PTPRD: variants seen among roughly 807,000 people sequenced by gnomAD.
PTPRD encodes protein tyrosine phosphatase receptor type D.
PTPRD carries 34 observed loss-of-function variants against 214.5 expected under a neutral mutation model. The ratio of observed to expected loss-of-function variants is 0.16; its 90% CI spans 0.12 to 0.21. The LOEUF is 0.21. Ranked by LOEUF, PTPRD falls within the 10% of genes least tolerant of loss-of-function variation. The probability of loss-of-function intolerance (pLI) is 1.00; values close to 1 mark genes in which losing one functional copy is unlikely to be tolerated. For missense variants in PTPRD, 2,545 were observed against 2,398.7 expected (o/e 1.06, Z -1.27); for synonymous variants, 1,128 against 845.7 (o/e 1.33, Z -5.79).
chr9:9,195,487 G>A (rs181850838), intron 9 of PTPRD, among the ~76,000 whole-genome samples: 1 of 152,220 alleles, frequency 6.6e-6, no homozygotes, highest in Admixed American at 6.5e-5. Context: ...TGGGGATTAA[G>A]TAGGGACTGT....
intron 2 of PTPRD, among the ~76,000 whole-genome samples, chr9:10,530,358 C>T (rs897610321): frequency 7.2e-5 from 11 of 151,978 alleles, no homozygotes; most frequent in South Asian, 2.1e-4. Context: ...TTATAATTTA[C>T]GAAAAAGTAA....
chr9:9,121,173 C>A (rs769452476), intron 10 of PTPRD, among the ~76,000 whole-genome samples: 4 of 152,124 alleles, frequency 2.6e-5, no homozygotes, highest in Non-Finnish European at 5.9e-5. Flanking sequence ...TAGTCACCAA[C>A]TATTTATGGA....
At chr9:9,611,930 A>T (rs571363151) in intron 7 of PTPRD, among the ~76,000 whole-genome samples, 1 of 152,264 alleles carries the variant, frequency 6.6e-6, no homozygotes, top group East Asian at 1.9e-4. Context: ...TATACATAAG[A>T]CTTGACAGAC....
At chr9:9,682,957 A>T (rs144830470) in intron 7 of PTPRD, among the ~76,000 whole-genome samples, 1 of 151,768 alleles carries the variant, frequency 6.6e-6, no homozygotes, top group Admixed American at 6.6e-5. Flanking sequence ...GATGAACAAG[A>T]TATGTACAGT....
chr9:10,393,446 T>C (rs2098110773), intron 2 of PTPRD, among the ~76,000 whole-genome samples: 1 of 151,564 alleles, frequency 6.6e-6, no homozygotes, highest in Non-Finnish European at 1.5e-5. Context: ...TTACATTAGT[T>C]TCCCTTTGAT....
rs755972076 is a variant in PTPRD, at chr9:8,465,700, A to T, written c.3505-25T>A. The T allele has an allele frequency of 2.5e-6, 4 of 1,575,222 alleles. No individual in the cohort carries two copies. In the Admixed American group the frequency reaches 7.3e-5, roughly 29 times the overall value. ...GCTTAAGGAAAAAAGTGGGAAACAG[A>T]AAAAGAACTGTAAATAATAACCCAG... is the stretch of plus-strand genomic sequence containing the variant. On this transcript the variant is annotated intron_variant, in intron 31 of 45. Transcript: ENST00000381196.
intron 3 of PTPRD, among the ~76,000 whole-genome samples, chr9:10,167,398 CT>C (rs1340579603): frequency 6.6e-6 from 1 of 152,112 alleles, no homozygotes; most frequent in Non-Finnish European, 1.5e-5. Flanking sequence ...TTCCCTTTCA[CT>C]TATTCTTCTT....
intron 10 of PTPRD, among the ~76,000 whole-genome samples, chr9:9,066,574 G>C (rs1286649240): frequency 1.3e-5 from 2 of 152,118 alleles, no homozygotes; most frequent in Non-Finnish European, 2.9e-5. Flanking sequence ...AAGTTTTGCA[G>C]ATGTGACTAA....
chr9:9,427,295 C>G (rs141883370), intron 8 of PTPRD, among the ~76,000 whole-genome samples: 10,214 of 152,098 alleles, frequency 0.067, 376 homozygotes, highest in Middle Eastern at 0.17. Flanking sequence ...ATTTGATCAA[C>G]TGGAAGAAAG....
At chr9:9,091,312 T>C (rs2099775465) in intron 10 of PTPRD, 3 of 1,029,040 alleles carry the variant, frequency 2.9e-6, no homozygotes, top group Non-Finnish European at 4.5e-6. Flanking sequence ...AAATTGTACT[T>C]TAAAAAAAAA....
At chr9:9,618,287 T>C (rs987522881) in intron 7 of PTPRD, among the ~76,000 whole-genome samples, 1 of 151,948 alleles carries the variant, frequency 6.6e-6, no homozygotes, top group African/African-American at 2.4e-5. Flanking sequence ...GACAGTAGTA[T>C]TATCACAATT....
intron 12 of PTPRD, among the ~76,000 whole-genome samples, chr9:8,680,215 C>T (rs1305626651): frequency 6.6e-6 from 1 of 151,744 alleles, no homozygotes; most frequent in Admixed American, 6.6e-5. Flanking sequence ...ATCTAAAAGC[C>T]GTATGTAAGA....
chr9:8,908,231 A>T (rs901146591), intron 11 of PTPRD, among the ~76,000 whole-genome samples: 2 of 152,202 alleles, frequency 1.3e-5, no homozygotes, highest in Non-Finnish European at 2.9e-5. Flanking sequence ...AAATAAAGAC[A>T]TTCTAAAATA....
chr9:8,711,432 ACT>A (rs2098330568), intron 12 of PTPRD, among the ~76,000 whole-genome samples: 1 of 152,152 alleles, frequency 6.6e-6, no homozygotes, highest in Non-Finnish European at 1.5e-5. Flanking sequence ...GCATACAGTA[ACT>A]CTCTCCTTGA....
At chr9:9,052,150 C>T (rs933050274) in intron 10 of PTPRD, among the ~76,000 whole-genome samples, 7 of 152,146 alleles carry the variant, frequency 4.6e-5, no homozygotes, top group South Asian at 2.1e-4. Flanking sequence ...GGCACCTTCT[C>T]GCTGTGCTCC....
At chr9:8,708,878 C>T (rs185672232) in intron 12 of PTPRD, among the ~76,000 whole-genome samples, 9 of 151,984 alleles carry the variant, frequency 5.9e-5, no homozygotes, top group Admixed American at 2.0e-4. Flanking sequence ...ATAAAGAAAA[C>T]GTCCTATTAT....
At chr9:9,268,706 T>G (rs754254959) in intron 9 of PTPRD, among the ~76,000 whole-genome samples, 1 of 150,568 alleles carries the variant, frequency 6.6e-6, no homozygotes, top group African/African-American at 2.4e-5. Context: ...AATAAACCCA[T>G]GTTTACCATC....
intron 11 of PTPRD, among the ~76,000 whole-genome samples, chr9:8,748,266 C>T (rs1481538266): frequency 6.6e-6 from 1 of 152,104 alleles, no homozygotes; most frequent in African/African-American, 2.4e-5. Context: ...AAGGTGACTG[C>T]ATCCACCTTT....
At chr9:9,117,950 T>C (rs1301952455) in intron 10 of PTPRD, among the ~76,000 whole-genome samples, 2 of 152,184 alleles carry the variant, frequency 1.3e-5, no homozygotes. Context: ...GATGCTGTTT[T>C]TTTGGAAAAA....
Sources: gnomAD v4.1 joint callset for allele counts (sites outside exome capture counted in the v4.1 genomes callset) on GRCh38, gnomAD v4.1.1 for gene constraint, MANE v1.5 for transcripts, NCBI Gene and HGNC (gene_info 2026-07-23, HGNC 2026-07-21) for gene names.